Variants in FBL observed in about 807,000 individuals in gnomAD.
FBL encodes fibrillarin rRNA 2'-O-methyltransferase.
FBL carries 10 observed loss-of-function variants against 42.2 expected under a neutral mutation model. That is an observed-to-expected ratio of 0.24 (90% CI 0.15 to 0.40). The LOEUF (loss-of-function observed/expected upper bound fraction) is 0.40, where lower values mean the gene tolerates loss of function less well. Ranked by LOEUF, FBL falls within the 10% of genes least tolerant of loss-of-function variation. The pLI, the probability that FBL is intolerant of heterozygous loss-of-function variation, is 1.00. For missense variants in FBL, 351 were observed against 439.2 expected (o/e 0.80, Z 1.79); for synonymous variants, 165 against 165.4 (o/e 1.00, Z 0.02).
rs116879921 is a variant in FBL, at chr19:39,839,981, G to A, written c.378+252C>T. ...ACACTTGGTCAGAGAGTTAGTGAAG[G>A]AGACAAAGCCAGGGGGCAGGGAGGG... On this transcript the variant is annotated intron_variant, in intron 4 of 8. Transcript: ENST00000221801. Among the ~76,000 whole-genome samples the A allele has an allele frequency of 3.9e-3, 592 of 151,630 alleles. 8 individuals are homozygous for A. The highest frequency in any genetic ancestry group is 3.0e-3 in the Non-Finnish European group (201 of 67,842).
chr19:39,836,209 A>G (rs1222921890), intron 7 of FBL, among the ~76,000 whole-genome samples: 2 of 151,910 alleles, frequency 1.3e-5, no homozygotes, highest in Non-Finnish European at 2.9e-5. Flanking sequence ...TTTATCTAGT[A>G]TCTATTCTAT....
rs370134040 is a variant in FBL, at chr19:39,838,908, C to T, written c.549+127G>A. 155 of 806,544 alleles carry T rather than the reference C, an allele frequency of 1.9e-4. No individual in the cohort carries two copies. In the East Asian group the frequency reaches 2.9e-3, roughly 15 times the overall value. 50.0% of individuals were successfully genotyped at this position (806,544 alleles called of 1,614,324 possible). ...TCAAGCCACTCCTTTTACTCACAGG[C>T]ACAGTGACAGAAAAGGGCCTGGCCC... On this transcript the variant is annotated intron_variant, in intron 5 of 8. Transcript: ENST00000221801.
At chr19:39,835,301 A>G (rs1490972990) in intron 7 of FBL, among the ~76,000 whole-genome samples, 2 of 152,070 alleles carry the variant, frequency 1.3e-5, no homozygotes, top group Non-Finnish European at 2.9e-5. Context: ...TGGCTCAATC[A>G]CGAAATCAGG....
chr19:39,835,807 T>A (rs1340641509), intron 7 of FBL, among the ~76,000 whole-genome samples: 1 of 152,108 alleles, frequency 6.6e-6, no homozygotes, highest in Non-Finnish European at 1.5e-5. Flanking sequence ...ACGCCTGTAG[T>A]CCCAGCTACT....
chr19:39,843,507 T>C (rs1969200574), intron 1 of FBL, among the ~76,000 whole-genome samples: 1 of 152,218 alleles, frequency 6.6e-6, no homozygotes, highest in South Asian at 2.1e-4. Flanking sequence ...CCATAGCTCA[T>C]GCCTGTAATC....
chr19:39,843,332 A>G (rs921278790), intron 1 of FBL, among the ~76,000 whole-genome samples: 3 of 152,150 alleles, frequency 2.0e-5, no homozygotes, highest in African/African-American at 7.2e-5. Context: ...AAAGCACACA[A>G]TCCATCAGAT....
At chr19:39,839,793 C>A (rs73042737) in intron 4 of FBL, among the ~76,000 whole-genome samples, 16,477 of 152,214 alleles carry the variant, frequency 0.11, 1,133 homozygotes, top group South Asian at 0.19. Context: ...GGCAGGCACA[C>A]CCTGGCCTCA....
In FBL at chr19:39,840,845, T is replaced by C. The variant is rs1206548574; in HGVS notation, c.11-58A>G. ...TGAAGCTTAAAAGGTTAAACCACCT[T>C]GTACCCAGCAATACCTCTCAGGTGA... is the stretch of plus-strand genomic sequence containing the variant. On this transcript the variant is annotated intron_variant, in intron 1 of 8. Transcript: ENST00000221801. This position sits in a 1 kb window ranked among gnomAD's most constrained non-coding sequence, Gnocchi z 4.5. The C allele has an allele frequency of 6.9e-7, 1 of 1,444,350 alleles. No individual in the cohort carries two copies. Among genetic ancestry groups the C allele is most frequent in the Non-Finnish European group, 9.2e-7 (1 of 1,086,388 alleles). The allele number at this position is 1,444,350 out of a possible 1,614,324, so 89.5% of individuals were successfully genotyped here.
rs754095395 is a variant in FBL, at chr19:39,840,268, C to T, written c.343G>A (p.Glu115Lys). 40 of 1,613,924 alleles carry T rather than the reference C, an allele frequency of 2.5e-5. No individual in the cohort carries two copies. Among genetic ancestry groups the T allele is most frequent in the Non-Finnish European group, 3.4e-5 (40 of 1,179,966 alleles). Residue 115 changes from glutamate (E) to lysine (K), a missense_variant, in exon 4 of 9, where the codon GAA becomes AAA. Glu to Lys is a moderately conservative substitution (Grantham distance 56, BLOSUM62 1). Transcript: ENST00000221801. The surrounding 1 kb of genome is among the most constrained non-coding windows in gnomAD (Gnocchi z 4.5). The part of the protein sequence containing the change: ...ALVTKNLVPG[E>K]SVYGEKRVSI... ...ACTCTCTTCTCTCCATAAACTGATT[C>T]CCCAGGGACCAGGTTCTTGGTGACC...
intron 1 of FBL, among the ~76,000 whole-genome samples, chr19:39,845,273 C>T (rs1306637618): frequency 6.6e-6 from 1 of 152,198 alleles, no homozygotes; most frequent in Non-Finnish European, 1.5e-5. Flanking sequence ...TGCTCAGGCA[C>T]CACCGAGAAG....
At chr19:39,842,155 G>A (rs1599659080) in intron 1 of FBL, among the ~76,000 whole-genome samples, 3 of 150,350 alleles carry the variant, frequency 2.0e-5, no homozygotes, top group South Asian at 4.2e-4. Flanking sequence ...ACACGATCTC[G>A]GCTCACTGCA....
chr19:39,840,703 C>T lies in FBL; in HGVS notation c.95G>A (p.Gly32Glu), dbSNP rs546172071. 5.0e-6 allele frequency: 8 copies of T among 1,586,228 alleles called. No homozygotes were observed. The East Asian group carries it at 1.4e-4, about 28-fold the overall frequency. Residue 32 changes from glycine (G) to glutamate (E), a missense_variant, in exon 2 of 9, where the codon GGG becomes GAG. Gly to Glu is a moderately conservative substitution (Grantham distance 98). Transcript: ENST00000221801. This position sits in a 1 kb window ranked among gnomAD's most constrained non-coding sequence, Gnocchi z 4.5. ...GGRGGRGGFG[G>E]GRGRGGGFRG... ...AAAGCCTCCGCCTCGACCTCGGCCC[C>T]CGCCAAAGCCCCCTCGGCCTCCACG...
chr19:39,834,929 C>T (rs777792562), intron 7 of FBL, 116 bp from the exon 8 acceptor site: 20 of 1,064,158 alleles, frequency 1.9e-5, no homozygotes, highest in Non-Finnish European at 2.7e-5. Context: ...TGCTATGGTT[C>T]TAGTGTGTCC....
chr19:39,843,143 T>C (rs1173648681), intron 1 of FBL, among the ~76,000 whole-genome samples: 2 of 152,102 alleles, frequency 1.3e-5, no homozygotes, highest in Non-Finnish European at 2.9e-5. Flanking sequence ...CCTCCCCCAC[T>C]AAGATCAAGC....
chr19:39,837,810 G>A lies in FBL; in HGVS notation c.583C>T (p.Arg195Cys), dbSNP rs780159209. The A allele has an allele frequency of 9.3e-6, 15 of 1,612,858 alleles. No individual in the cohort carries two copies. Among genetic ancestry groups the A allele is most frequent in the Non-Finnish European group, 1.2e-5 (14 of 1,179,546 alleles). Reference sequence around the variant, plus strand: ...AAGTTAATGAGGTCACGGCCAGAGCGGTGGGAGAACTCGACTGCATAGACT... The same window carrying A: ...AAGTTAATGAGGTCACGGCCAGAGCAGTGGGAGAACTCGACTGCATAGACT... ...GLVYAVEFSH[R>C]SGRDLINLAK... Residue 195 changes from arginine to cysteine, a missense_variant, in exon 6 of 9, where the codon CGC becomes TGC. Coordinates refer to ENST00000221801, the MANE Select transcript of FBL (RefSeq NM_001436.4).
At chr19:39,844,653 T>G (rs902333108) in intron 1 of FBL, among the ~76,000 whole-genome samples, 1 of 152,190 alleles carries the variant, frequency 6.6e-6, no homozygotes, top group Non-Finnish European at 1.5e-5. Context: ...CATGTAAAAC[T>G]GTCAGCATGT....
At chr19:39,837,946 A>C in intron 5 of FBL, 103 bp from the exon 6 acceptor site, 11 of 870,536 alleles carry the variant, frequency 1.3e-5, no homozygotes, top group South Asian at 1.7e-5. Context: ...CAACCCCCAA[A>C]TCAAAACCCT....
Position 39,837,697 on chromosome 19 carries a change from C to G in FBL, c.682+14G>C, listed in dbSNP as rs1425034185. ...CCTGTCCTACCCCACCGGGGCCACC[C>G]CCAGACCCCTCACCGATGAGCATGC... On this transcript the variant is annotated intron_variant, in intron 6 of 8. Transcript: ENST00000221801. 6.4e-7 allele frequency: 1 copy of G among 1,557,158 alleles called. No homozygotes were observed. The highest frequency in any genetic ancestry group is 8.7e-7 in the Non-Finnish European group (1 of 1,155,468).
Position 39,834,698 on chromosome 19 carries a change from C to G in FBL, c.911G>C (p.Arg304Thr), listed in dbSNP as rs1195854422. 2 of 1,614,060 alleles carry G rather than the reference C, an allele frequency of 1.2e-6. No individual in the cohort carries two copies. The highest frequency in any genetic ancestry group is 1.7e-6 in the Non-Finnish European group (2 of 1,180,040). The change falls in exon 8 of 9, where the codon AGA becomes ACA. Residue 304 changes from arginine (R) to threonine (T), a missense_variant. Physicochemically the swap from Arg to Thr is moderately conservative, Grantham distance 71. Transcript: ENST00000221801. The part of the protein sequence containing the change: ...QEQLTLEPYE[R>T]DHAVVVGVYR... Reference sequence around the variant, plus strand: ...CACTCCCACGACCACGGCATGGTCTCTTTCATATGGCTCAAGGGTCAACTG... The same window carrying G: ...CACTCCCACGACCACGGCATGGTCTGTTTCATATGGCTCAAGGGTCAACTG...
Sources: allele counts gnomAD v4.1 joint callset (sites outside exome capture counted in the v4.1 genomes callset), GRCh38; gene constraint gnomAD v4.1.1; non-coding constraint Gnocchi (gnomAD v3.1); transcripts MANE v1.5; gene names NCBI Gene and HGNC (gene_info 2026-07-23, HGNC 2026-07-21).